The following GALNT17 variants were observed in gnomAD, a reference collection of about 807,000 sequenced individuals.
GALNT17 encodes polypeptide N-acetylgalactosaminyltransferase 17, also known as UDP-GalNAc:polypeptide N-acetylgalactosaminyltransferase-like 3.
Under a neutral mutation model 63.7 loss-of-function variants are expected in GALNT17, and 29 were observed. The ratio of observed to expected loss-of-function variants is 0.46; its 90% CI spans 0.34 to 0.62. GALNT17 has a LOEUF of 0.62. GALNT17 is among the 20% of genes least tolerant of loss of function. The pLI is 0.01. For missense variants in GALNT17, 603 were observed against 799.6 expected, an observed-to-expected ratio of 0.75 and a Z score of 2.97; for synonymous variants, 305 against 318.3, an observed-to-expected ratio of 0.96 and a Z score of 0.45.
Position 71,137,182 on chromosome 7 carries a change from C to G in GALNT17, c.238+4142C>G, listed in dbSNP as rs1185364608. 3.3e-5 allele frequency among the ~76,000 whole-genome samples: 5 copies of G among 149,994 alleles called. 1 individual carries two copies. The highest frequency in any genetic ancestry group is 7.4e-5 in the Non-Finnish European group (5 of 67,536). Reference sequence around the variant, plus strand: ...TGAGACAGAGTCTTGCTCTGTCACCCAGGCTGGAGCGCAGTGGCGCGATCT... The same window carrying G: ...TGAGACAGAGTCTTGCTCTGTCACCGAGGCTGGAGCGCAGTGGCGCGATCT... On this transcript the variant is annotated intron_variant, in intron 1 of 10. Coordinates refer to ENST00000333538, the MANE Select transcript of GALNT17 (RefSeq NM_022479.3).
At chr7:71,394,481 G>A (rs1185654494) in intron 3 of GALNT17, among the ~76,000 whole-genome samples, 9 of 152,114 alleles carry the variant, frequency 5.9e-5, no homozygotes, top group Non-Finnish European at 1.2e-4. Flanking sequence ...GACACACTGG[G>A]CAGTCTGCTC....
Position 71,595,088 on chromosome 7 carries a change from G to C in GALNT17, c.1080+23686G>C, listed in dbSNP as rs181233678. On this transcript the variant is annotated intron_variant, in intron 6 of 10. Coordinates refer to ENST00000333538, the MANE Select transcript of GALNT17 (RefSeq NM_022479.3). ...GGATGATGTAGCTCCAAGCCAAGGA[G>C]CCCCAAAGACTGATGGCCACCACCA... 2.6e-3 allele frequency among the ~76,000 whole-genome samples: 403 copies of C among 152,236 alleles called. 7 individuals carry two copies. Among genetic ancestry groups the C allele is most frequent in the Admixed American group, 0.022 (331 of 15,298 alleles).
At chr7:71,330,728 C>G (rs984283459) in intron 1 of GALNT17, among the ~76,000 whole-genome samples, 2 of 152,206 alleles carry the variant, frequency 1.3e-5, no homozygotes, top group African/African-American at 2.4e-5. Flanking sequence ...AGACATTTCT[C>G]TCTTCCTTAA....
intron 5 of GALNT17, among the ~76,000 whole-genome samples, chr7:71,569,322 T>G (rs118008952): frequency 0.09 from 13,658 of 152,206 alleles, 902 homozygotes; most frequent in Non-Finnish European, 0.13. Flanking sequence ...TGCAGATTTG[T>G]TACATGGGTA....
intron 1 of GALNT17, among the ~76,000 whole-genome samples, chr7:71,262,679 CTTTTTTTTTT>C (rs756742343): frequency 3.2e-5 from 4 of 124,656 alleles, no homozygotes; most frequent in Non-Finnish European, 5.2e-5. Context: ...TTTTTACTTT[CTTTTTTTTTT>C]TTTTTTTTTG....
intron 1 of GALNT17, among the ~76,000 whole-genome samples, chr7:71,204,363 ATTGT>A (rs1197178613): frequency 6.6e-6 from 1 of 151,938 alleles, no homozygotes; most frequent in Non-Finnish European, 1.5e-5. Flanking sequence ...TTTGCACGAG[ATTGT>A]TTGGATATTT....
At chr7:71,689,360 G>C (rs1791408802) in intron 9 of GALNT17, among the ~76,000 whole-genome samples, 2 of 152,182 alleles carry the variant, frequency 1.3e-5, no homozygotes, top group South Asian at 4.1e-4. Context: ...GTTATTGAAG[G>C]AAATTAAACA....
chr7:71,236,189 T>A (rs1454919177), intron 1 of GALNT17, among the ~76,000 whole-genome samples: 1 of 143,676 alleles, frequency 7.0e-6, no homozygotes, highest in African/African-American at 2.8e-5. Context: ...CTCAAAAAAA[T>A]TAAATAAAAA....
intron 2 of GALNT17, among the ~76,000 whole-genome samples, chr7:71,370,909 CTT>C (rs145570080): frequency 0.044 from 6,694 of 152,232 alleles, 509 homozygotes; most frequent in African/African-American, 0.15. Flanking sequence ...CCTCGTCTGA[CTT>C]TATGTTTCTT....
In GALNT17 at chr7:71,537,503, C is replaced by T. The variant is rs925856063; in HGVS notation, c.963-33782C>T. Among the ~76,000 whole-genome samples the T allele has an allele frequency of 5.3e-5, 8 of 152,086 alleles. No individual in the cohort carries two copies. In the East Asian group the frequency reaches 1.2e-3, roughly 22 times the overall value. Reference sequence around the variant, plus strand: ...TTGTTTATGTGGGCCCTAAGTCAGACGGCAAGTCTCCTTATAAGATAGAAG... The same window carrying T: ...TTGTTTATGTGGGCCCTAAGTCAGATGGCAAGTCTCCTTATAAGATAGAAG... On this transcript the variant is annotated intron_variant, in intron 5 of 10. Transcript: ENST00000333538.
At chr7:71,229,309 A>G (rs553897798) in intron 1 of GALNT17, among the ~76,000 whole-genome samples, 9 of 152,324 alleles carry the variant, frequency 5.9e-5, no homozygotes, top group Middle Eastern at 3.4e-3. Context: ...CAACGGACCC[A>G]GGATTCCCCT....
At chr7:71,542,731 C>A (rs1380383330) in intron 5 of GALNT17, among the ~76,000 whole-genome samples, 2 of 150,004 alleles carry the variant, frequency 1.3e-5, no homozygotes, top group Non-Finnish European at 3.0e-5. Context: ...AATCTGGAAG[C>A]AGTGATGGAA....
At chr7:71,588,217 G>A (rs796190290) in intron 6 of GALNT17, among the ~76,000 whole-genome samples, 9 of 152,124 alleles carry the variant, frequency 5.9e-5, no homozygotes, top group African/African-American at 2.2e-4. Context: ...TAATTACCAG[G>A]TATTTACTTC....
chr7:71,558,158 T>A (rs914177929), intron 5 of GALNT17, among the ~76,000 whole-genome samples: 1 of 152,316 alleles, frequency 6.6e-6, no homozygotes, highest in Non-Finnish European at 1.5e-5. Context: ...CGGCTTCATC[T>A]TCTAGCACAG....
chr7:71,454,703 A>G (rs1404712012), intron 5 of GALNT17, among the ~76,000 whole-genome samples: 2 of 152,180 alleles, frequency 1.3e-5, no homozygotes, highest in African/African-American at 4.8e-5. Context: ...TGCATGAACA[A>G]TTCAGCTTTA....
intron 6 of GALNT17, among the ~76,000 whole-genome samples, chr7:71,627,826 A>G (rs955805422): frequency 1.3e-5 from 2 of 152,152 alleles, no homozygotes; most frequent in African/African-American, 4.8e-5. Flanking sequence ...AGACTTGTAC[A>G]TCCCTCCTGG....
chr7:71,613,488 C>A (rs1790154066), intron 6 of GALNT17, among the ~76,000 whole-genome samples: 1 of 152,192 alleles, frequency 6.6e-6, no homozygotes, highest in Non-Finnish European at 1.5e-5. Context: ...TGTCACTCTG[C>A]AGACGTTTCA....
intron 1 of GALNT17, among the ~76,000 whole-genome samples, chr7:71,137,680 G>T (rs377174828): frequency 1.3e-5 from 2 of 152,158 alleles, no homozygotes. Flanking sequence ...TCTTGCCTCC[G>T]CCATCTTGAG....
chr7:71,556,038 G>T (rs1163202250), intron 5 of GALNT17, among the ~76,000 whole-genome samples: 2 of 152,212 alleles, frequency 1.3e-5, no homozygotes, highest in Non-Finnish European at 2.9e-5. Flanking sequence ...GACTGCCTCT[G>T]GATGAGATGG....
Sources: allele counts gnomAD v4.1 joint callset (sites outside exome capture counted in the v4.1 genomes callset), GRCh38; gene constraint gnomAD v4.1.1; transcripts MANE v1.5; gene names NCBI Gene and HGNC (gene_info 2026-07-23, HGNC 2026-07-21).